GRIK2: variants seen among roughly 807,000 people sequenced by gnomAD.
GRIK2 encodes glutamate receptor ionotropic, kainate 2.
A neutral mutation model predicts 100.3 loss-of-function variants in GRIK2; 32 were observed. The ratio of observed to expected loss-of-function variants is 0.32; its 90% CI spans 0.24 to 0.43. The LOEUF is 0.43. Ranked by LOEUF, GRIK2 falls within the 20% of genes least tolerant of loss-of-function variation. The pLI is 1.00. For missense variants in GRIK2, 843 were observed against 1,114.9 expected (o/e 0.76, Z 3.47); for synonymous variants, 417 against 389.4 (o/e 1.07, Z -0.83).
In GRIK2 at chr6:101,889,797, C is replaced by G; in HGVS notation, c.1682C>G (p.Pro561Arg). The change falls in exon 12 of 17, where the codon CCT becomes CGT. Residue 561 changes from proline to arginine, a missense_variant. This residue lies in a region of GRIK2 where 237 missense variants were observed against 388.0 expected (regional missense o/e 0.61). Transcript: ENST00000369134. ...TTCTCCTTCCTGAATCCTCTCTCCC[C>G]TGATATCTGGATGTATATTCTGCTG... ...GVFSFLNPLSPDIWMYILLAY... is the reference protein window; with the variant it reads ...GVFSFLNPLSRDIWMYILLAY... The G allele has an allele frequency of 6.2e-7, 1 of 1,613,608 alleles. No homozygotes were observed. The highest frequency in any genetic ancestry group is 8.5e-7 in the Non-Finnish European group (1 of 1,179,680).
At chr6:101,580,223 T>C (rs1778011187) in intron 2 of GRIK2, among the ~76,000 whole-genome samples, 1 of 152,218 alleles carries the variant, frequency 6.6e-6, no homozygotes, top group Non-Finnish European at 1.5e-5. Context: ...CTCTTTATTT[T>C]ATTCCCAGCC....
intron 2 of GRIK2, among the ~76,000 whole-genome samples, chr6:101,451,699 G>T (rs1273767002): frequency 3.3e-5 from 2 of 59,800 alleles, no homozygotes; most frequent in Admixed American, 2.1e-4. Context: ...TCTCTGAGGG[G>T]GGGGGGGGTG....
intron 7 of GRIK2, among the ~76,000 whole-genome samples, chr6:101,768,594 C>CCT (rs1778185038): frequency 6.6e-6 from 1 of 152,144 alleles, no homozygotes; most frequent in Non-Finnish European, 1.5e-5. Flanking sequence ...TTTCATAATG[C>CCT]ACATTGTATT....
chr6:101,790,925 T>G (rs1180289510), intron 7 of GRIK2, among the ~76,000 whole-genome samples: 7 of 150,826 alleles, frequency 4.6e-5, no homozygotes, highest in Non-Finnish European at 1.0e-4. Flanking sequence ...TTCTTCCTGG[T>G]TTAGTCTTGG....
chr6:101,464,195 A>G (rs1416993188), intron 2 of GRIK2, among the ~76,000 whole-genome samples: 1 of 152,166 alleles, frequency 6.6e-6, no homozygotes, highest in Non-Finnish European at 1.5e-5. Flanking sequence ...GAAGCTAGCA[A>G]TCAAGGCAAC....
At chr6:102,034,294 G>A (rs764353035) in intron 14 of GRIK2, among the ~76,000 whole-genome samples, 2 of 151,330 alleles carry the variant, frequency 1.3e-5, no homozygotes, top group Admixed American at 6.6e-5. Flanking sequence ...GGCCTGCCTT[G>A]TAGTGGAAGT....
intron 10 of GRIK2, among the ~76,000 whole-genome samples, chr6:101,832,331 A>C (rs1020190174): frequency 1.3e-5 from 2 of 152,182 alleles, no homozygotes; most frequent in African/African-American, 4.8e-5. Context: ...TATCTAAGAA[A>C]AAAACCCCAA....
chr6:101,620,763 G>T (rs1489611122), intron 2 of GRIK2, among the ~76,000 whole-genome samples: 1 of 152,130 alleles, frequency 6.6e-6, no homozygotes, highest in Non-Finnish European at 1.5e-5. Context: ...AAGGACAGAG[G>T]TTGGAGGGGA....
chr6:101,592,592 T>C (rs1047097204), intron 2 of GRIK2, among the ~76,000 whole-genome samples: 2 of 37,444 alleles, frequency 5.3e-5, no homozygotes, highest in South Asian at 1.2e-3. Flanking sequence ...ATATCACATA[T>C]ATATATATAT....
chr6:101,437,229 A>G (rs956535279), intron 2 of GRIK2, among the ~76,000 whole-genome samples: 1 of 151,936 alleles, frequency 6.6e-6, no homozygotes, highest in Admixed American at 6.6e-5. Flanking sequence ...CTCTGTTTCC[A>G]TTTTCACAAA....
chr6:101,665,137 C>T (rs1769924522), intron 4 of GRIK2, among the ~76,000 whole-genome samples: 1 of 152,240 alleles, frequency 6.6e-6, no homozygotes, highest in African/African-American at 2.4e-5. Flanking sequence ...TGGCTATGAC[C>T]AGGTAGGTGC....
At chr6:101,799,236 T>C (rs1246651461) in intron 7 of GRIK2, among the ~76,000 whole-genome samples, 1 of 152,004 alleles carries the variant, frequency 6.6e-6, no homozygotes, top group Non-Finnish European at 1.5e-5. Flanking sequence ...ATATAGAATA[T>C]GTAATTTATG....
At chr6:101,598,805 T>C (rs1779055749) in intron 2 of GRIK2, among the ~76,000 whole-genome samples, 1 of 151,562 alleles carries the variant, frequency 6.6e-6, no homozygotes, top group Non-Finnish European at 1.5e-5. Flanking sequence ...TATTATGTCC[T>C]CATTTTGGTC....
In GRIK2 at chr6:101,803,275, T is replaced by C. The variant is rs1780782804; in HGVS notation, c.1203+837T>C. Among the ~76,000 whole-genome samples, 6 of 151,846 alleles carry C rather than the reference T, an allele frequency of 4.0e-5. No homozygotes were observed. In the Admixed American group the frequency reaches 4.0e-4, roughly 10 times the overall value. ...CTAGACAGAAACTGAAGAGGAAAGCTGAGACCTACGAAGGGCTTTCTTAGT... is the reference window on the plus strand; with the variant it reads ...CTAGACAGAAACTGAAGAGGAAAGCCGAGACCTACGAAGGGCTTTCTTAGT... On this transcript the variant is annotated intron_variant, in intron 9 of 16. Transcript: ENST00000369134.
At chr6:101,396,267 A>G (rs1582352019) in intron 1 of GRIK2, among the ~76,000 whole-genome samples, 1 of 138,360 alleles carries the variant, frequency 7.2e-6, no homozygotes. Flanking sequence ...GAAGTGAGTG[A>G]GTTTAATGTG....
chr6:101,601,114 TGTTGA>T (rs1779189557), intron 2 of GRIK2, among the ~76,000 whole-genome samples: 1 of 113,054 alleles, frequency 8.8e-6, no homozygotes, highest in Non-Finnish European at 1.8e-5. Context: ...ATGCCTAGTT[TGTTGA>T]GTTTTTTTTT....
chr6:101,420,027 A>G (rs1466846461), intron 2 of GRIK2, among the ~76,000 whole-genome samples: 1 of 152,222 alleles, frequency 6.6e-6, no homozygotes, highest in Admixed American at 6.5e-5. Context: ...CAATGTGAAG[A>G]TAATAATAAC....
chr6:101,423,954 G>T (rs1158187587), intron 2 of GRIK2, among the ~76,000 whole-genome samples: 1 of 152,074 alleles, frequency 6.6e-6, no homozygotes, highest in Non-Finnish European at 1.5e-5. Flanking sequence ...GAAATTATAT[G>T]GAATGTAAGG....
intron 7 of GRIK2, among the ~76,000 whole-genome samples, chr6:101,795,529 G>A (rs759433132): frequency 4.6e-5 from 7 of 152,180 alleles, no homozygotes; most frequent in East Asian, 1.9e-4. Context: ...AGCTTGCTTC[G>A]GTTCAGTAGT....
Sources: gnomAD v4.1 joint callset for allele counts (sites outside exome capture counted in the v4.1 genomes callset) on GRCh38, gnomAD v4.1.1 for gene constraint, gnomAD v4.1.1 regional missense constraint, MANE v1.5 for transcripts, NCBI Gene and HGNC (gene_info 2026-07-23, HGNC 2026-07-21) for gene names.